ASAH2: variants seen among roughly 807,000 people sequenced by gnomAD.
The protein encoded by ASAH2 is N-acylsphingosine amidohydrolase 2, also known as neutral ceramidase.
ASAH2 carries 58 observed loss-of-function variants against 82.9 expected under a neutral mutation model. The observed-to-expected ratio is 0.70, with a 90% CI of 0.57 to 0.87. The LOEUF (loss-of-function observed/expected upper bound fraction) is 0.87, where lower values mean the gene tolerates loss of function less well. Ranked by LOEUF, ASAH2 falls within the 40% of genes least tolerant of loss-of-function variation. The pLI is 0.00. For synonymous variants in ASAH2, 276 were observed against 289.7 expected (o/e 0.95, Z 0.48); for missense variants, 779 against 834.0 (o/e 0.93, Z 0.81).
chr10:50,198,947 C>T, intron 17 of ASAH2, 104 bp downstream of exon 17: 3 of 1,275,352 alleles, frequency 2.4e-6, no homozygotes, highest in South Asian at 2.4e-5. Context: ...TTCTCTTTCA[C>T]TTCCCTCTGC....
intron 12 of ASAH2, among the ~76,000 whole-genome samples, chr10:50,209,802 A>G (rs1845404417): frequency 6.6e-6 from 1 of 152,202 alleles, no homozygotes; most frequent in Non-Finnish European, 1.5e-5. Flanking sequence ...GACATCATTA[A>G]TTATTAGGGA....
chr10:50,235,254 G>A (rs1219250926), intron 5 of ASAH2, among the ~76,000 whole-genome samples: 1 of 151,978 alleles, frequency 6.6e-6, no homozygotes, highest in Admixed American at 6.6e-5. Flanking sequence ...TGAATTTTGG[G>A]GGTGACATTG....
chr10:50,239,828 A>ATTTTTTTTTTTTTTTTTTTT (rs1208518684), intron 4 of ASAH2, among the ~76,000 whole-genome samples: 1 of 120,646 alleles, frequency 8.3e-6, no homozygotes, highest in African/African-American at 3.0e-5. Flanking sequence ...CTCACATTTA[A>ATTTTTTTTTTTTTTTTTTTT]TTTTTTTTTT....
intron 12 of ASAH2, among the ~76,000 whole-genome samples, chr10:50,207,021 G>GA (rs1227638784): frequency 1.3e-5 from 2 of 151,732 alleles, no homozygotes; most frequent in Admixed American, 6.6e-5. Flanking sequence ...AAAAATAAAG[G>GA]AAAAAATGGA....
intron 18 of ASAH2, among the ~76,000 whole-genome samples, chr10:50,193,182 A>T (rs1284580902): frequency 1.3e-4 from 20 of 148,982 alleles, no homozygotes; most frequent in African/African-American, 4.2e-4. Flanking sequence ...AACTGGAAAA[A>T]ATATATATTA....
chr10:50,213,637 C>T (rs955712166), intron 9 of ASAH2, among the ~76,000 whole-genome samples: 6 of 152,114 alleles, frequency 3.9e-5, no homozygotes, highest in Admixed American at 2.6e-4. Context: ...TGTGGGCAGA[C>T]CCTCCTGAAA....
intron 4 of ASAH2, among the ~76,000 whole-genome samples, chr10:50,236,338 G>A (rs1650745391): frequency 6.6e-6 from 1 of 152,098 alleles, no homozygotes. Context: ...GATGGCAGGA[G>A]GGAGAAGTGC....
chr10:50,202,997 C>T, intron 15 of ASAH2, 73 bp from the exon 16 acceptor site: 1 of 1,035,118 alleles, frequency 9.7e-7, no homozygotes, highest in South Asian at 1.3e-5. Context: ...TTATCCTTAA[C>T]ACACAAGCAT....
At chr10:50,195,617 A>T (rs1844954676) in intron 18 of ASAH2, among the ~76,000 whole-genome samples, 1 of 151,798 alleles carries the variant, frequency 6.6e-6, no homozygotes, top group Non-Finnish European at 1.5e-5. Context: ...AGCACTGTTC[A>T]CAATAGCCAA....
In ASAH2 at chr10:50,213,074, A is replaced by T; in HGVS notation, c.1141-16T>A. On this transcript the variant is annotated splice_polypyrimidine_tract_variant and intron_variant, in intron 9 of 20. Transcript: ENST00000682911. ...ACATGCTAGGCTGGAACAAAATAAGATATGATGCATTCTTGGCCAAGTAAG... is the reference window on the plus strand; with the variant it reads ...ACATGCTAGGCTGGAACAAAATAAGTTATGATGCATTCTTGGCCAAGTAAG... 1 of 1,595,140 alleles carries T rather than the reference A, an allele frequency of 6.3e-7. No individual in the cohort carries two copies. The highest frequency in any genetic ancestry group is 8.6e-7 in the Non-Finnish European group (1 of 1,162,780).
At chr10:50,218,457 AATG>A (rs1845665770) in intron 8 of ASAH2, 50 bp downstream of exon 8, 1 of 1,612,140 alleles carries the variant, frequency 6.2e-7, no homozygotes, top group Non-Finnish European at 8.5e-7. Context: ...ATGCAGCATG[AATG>A]ATGACACTCA....
rs550806651 is a variant in ASAH2 at position 50,228,880 on chromosome 10, C to T, written c.893+4304G>A. On this transcript the variant is annotated intron_variant, in intron 7 of 20. Coordinates refer to ENST00000682911, the MANE Select transcript of ASAH2 (RefSeq NM_019893.4). ...AGGAGAAGAGGAGTCCATGTGACTG[C>T]TGCAAATTCAAGGAAGAAAACTTGG... Among the ~76,000 whole-genome samples, 161 of 152,038 alleles carry T rather than the reference C, an allele frequency of 1.1e-3. 2 individuals are homozygous for T. The highest frequency in any genetic ancestry group is 3.8e-3 in the African/African-American group (156 of 41,500).
At chr10:50,198,431 C>T (rs1000851347) in intron 17 of ASAH2, 2 of 153,196 alleles carry the variant, frequency 1.3e-5, no homozygotes, top group African/African-American at 4.8e-5. Flanking sequence ...GTTTTCATTC[C>T]AAGGCACCAC....
Position 50,218,639 on chromosome 10 carries a change from G to C in ASAH2, c.894-9C>G, listed in dbSNP as rs1438172811. 5.6e-6 allele frequency: 9 copies of C among 1,613,670 alleles called. No homozygotes were observed. The Admixed American group carries it at 1.5e-4, about 27-fold the overall frequency. ...GGTGGATGGCAAACCAGCTGTAAAA[G>C]AGCAAGAAGCTCTAAATTAATCAGG... On this transcript the variant is annotated splice_polypyrimidine_tract_variant and intron_variant, in intron 7 of 20. Coordinates refer to ENST00000682911, the MANE Select transcript of ASAH2 (RefSeq NM_019893.4).
intron 18 of ASAH2, among the ~76,000 whole-genome samples, chr10:50,194,801 G>C (rs2813331): frequency 1.3e-5 from 2 of 151,690 alleles, no homozygotes; most frequent in African/African-American, 2.4e-5. Context: ...TGCCAAGAAC[G>C]CACAATGGGG....
rs200939187 is a variant in ASAH2 at position 50,245,233 on chromosome 10, C to A, written c.349G>T (p.Asp117Tyr). The change falls in exon 3 of 21, where the codon GAT (aspartate) becomes TAT (tyrosine). Residue 117 changes from aspartate to tyrosine, a missense_variant. Asp to Tyr is a radical substitution (Grantham distance 160, BLOSUM62 -3). This residue lies in a region of ASAH2 where 759 missense variants were observed against 755.2 expected (regional missense o/e 1.00). Transcript: ENST00000682911. ...GRADCTGQVA[D>Y]INLMGYGKSG... ...CATTGTCTACTTGCCAAATTGATAT[C>A]TGCTACTTGTCCTGTGCAGTCAGCT... The A allele has an allele frequency of 1.9e-5, 31 of 1,613,616 alleles. No homozygotes were observed. In the East Asian group the frequency reaches 6.9e-4, roughly 36 times the overall value.
At position 50,211,100 on chromosome 10, in the gene ASAH2, C is replaced by T; in HGVS notation, c.1262G>A (p.Gly421Glu). 1.2e-6 allele frequency: 2 copies of T among 1,613,562 alleles called. No homozygotes were observed. Among genetic ancestry groups the T allele is most frequent in the South Asian group, 1.1e-5 (1 of 91,070 alleles). The change falls in exon 11 of 21, where the codon GGA becomes GAA. Residue 421 changes from glycine (G) to glutamate (E), a missense_variant. Coordinates refer to ENST00000682911, the MANE Select transcript of ASAH2 (RefSeq NM_019893.4). Reference protein sequence around the residue: ...LYASASQEVTGPLASAHQWVD... With the variant: ...LYASASQEVTEPLASAHQWVD... ...CCACTGGTGTGCTGAAGCCAGTGGT[C>T]CTGTTACCTCCTGGGAGGCAGAGGC...
In ASAH2 at chr10:50,218,528, T is replaced by G; in HGVS notation, c.996A>C (p.Lys332Asn). 6.2e-7 allele frequency: 1 copy of G among 1,613,760 alleles called. No homozygotes were observed. Residue 332 changes from lysine to asparagine, a missense_variant, in exon 8 of 21, where the codon AAA becomes AAC. By Grantham distance (94) the Lys-to-Asn change is moderately conservative (BLOSUM62 0). This residue lies in a region of ASAH2 where 759 missense variants were observed against 755.2 expected (regional missense o/e 1.00). Coordinates refer to ENST00000682911, the MANE Select transcript of ASAH2 (RefSeq NM_019893.4). ...ASYLLEQEKN[K>N]GYLPGQGPFV... ...TTCTCACCTGTCCAGGTAGATATCC[T>G]TTGTTCTTCTCTTGCTCAAGCAGGT...
At chr10:50,231,891 T>C (rs1846029741) in intron 7 of ASAH2, among the ~76,000 whole-genome samples, 1 of 152,208 alleles carries the variant, frequency 6.6e-6, no homozygotes. Flanking sequence ...CTTTTTTCTA[T>C]GTCAGGCACA....
Sources: allele counts gnomAD v4.1 joint callset (sites outside exome capture counted in the v4.1 genomes callset), GRCh38; gene constraint gnomAD v4.1.1; regional missense constraint gnomAD v4.1.1; transcripts MANE v1.5; gene names NCBI Gene and HGNC (gene_info 2026-07-23, HGNC 2026-07-21).